Variants in TMTC2 observed in about 807,000 individuals in gnomAD.
The protein encoded by TMTC2 is protein O-mannosyl-transferase TMTC2.
TMTC2 carries 43 observed loss-of-function variants against 82.4 expected under a neutral mutation model. The observed-to-expected ratio is 0.52, with a 90% CI of 0.41 to 0.67. The LOEUF (loss-of-function observed/expected upper bound fraction) is 0.67, where lower values mean the gene tolerates loss of function less well. Among genes scored for constraint, TMTC2 ranks in the 30% least tolerant of loss-of-function variants. The pLI, the probability that TMTC2 is intolerant of heterozygous loss-of-function variation, is 0.00. For missense variants in TMTC2, 919 were observed against 1,012.4 expected, an observed-to-expected ratio of 0.91 and a Z score of 1.25; for synonymous variants, 408 against 381.9, an observed-to-expected ratio of 1.07 and a Z score of -0.80.
intron 8 of TMTC2, among the ~76,000 whole-genome samples, chr12:83,024,725 T>A (rs1881086967): frequency 4.6e-5 from 7 of 152,222 alleles, no homozygotes; most frequent in Non-Finnish European, 1.0e-4. Flanking sequence ...CAAATATTTG[T>A]TTCAGCATGT....
intron 11 of TMTC2, among the ~76,000 whole-genome samples, chr12:83,107,737 A>G (rs1030318175): frequency 1.3e-5 from 2 of 148,852 alleles, no homozygotes; most frequent in Non-Finnish European, 3.0e-5. Flanking sequence ...ACTTCTATCT[A>G]CCTATGCACG....
chr12:82,764,131 TAC>T (rs1228421355), intron 1 of TMTC2, among the ~76,000 whole-genome samples: 2 of 152,164 alleles, frequency 1.3e-5, no homozygotes, highest in African/African-American at 4.8e-5. Context: ...GATATACATA[TAC>T]ACACACATAC....
intron 3 of TMTC2, among the ~76,000 whole-genome samples, chr12:82,909,093 A>G (rs1874483354): frequency 6.6e-6 from 1 of 152,170 alleles, no homozygotes; most frequent in African/African-American, 2.4e-5. Context: ...GTTTGTCCAA[A>G]TAGGCCAAAC....
intron 9 of TMTC2, among the ~76,000 whole-genome samples, chr12:83,045,815 T>C (rs1482894385): frequency 6.6e-6 from 1 of 150,444 alleles, no homozygotes; most frequent in South Asian, 2.1e-4. Context: ...TCTAAAGTAA[T>C]AATTGTTCAC....
At position 82,965,692 on chromosome 12, in the gene TMTC2, C is replaced by T; in HGVS notation, c.1817C>T (p.Thr606Ile). ...CCTCATGCACACAAGAGCTCTGTTA[C>T]CAGTTGTTTGTACAACCTAGGAAAG... ...KDPHAHKSSV[T>I]SCLYNLGKLY... The change falls in exon 6 of 12, where the codon ACC becomes ATC. Residue 606 changes from threonine (T) to isoleucine (I), a missense_variant. Physicochemically the swap from Thr to Ile is moderately conservative, Grantham distance 89 (BLOSUM62 -1). Coordinates refer to ENST00000321196, the MANE Select transcript of TMTC2 (RefSeq NM_152588.3). 6.2e-7 allele frequency: 1 copy of T among 1,613,870 alleles called. No homozygotes were observed. The highest frequency in any genetic ancestry group is 8.5e-7 in the Non-Finnish European group (1 of 1,179,830).
chr12:83,065,872 A>G (rs1882901495), intron 11 of TMTC2, among the ~76,000 whole-genome samples: 1 of 151,988 alleles, frequency 6.6e-6, no homozygotes, highest in African/African-American at 2.4e-5. Context: ...GCATACTACA[A>G]AGTCACCTGC....
At chr12:83,123,801 G>C (rs1050097991) in intron 11 of TMTC2, among the ~76,000 whole-genome samples, 11 of 152,144 alleles carry the variant, frequency 7.2e-5, no homozygotes, top group Admixed American at 2.6e-4. Flanking sequence ...AATTTCAAAA[G>C]TTCATGTCAT....
intron 2 of TMTC2, among the ~76,000 whole-genome samples, chr12:82,866,858 A>G (rs979616087): frequency 2.6e-5 from 4 of 152,232 alleles, no homozygotes; most frequent in Non-Finnish European, 5.9e-5. Context: ...CTTAAAAGGC[A>G]TGAATGGGGT....
chr12:82,845,089 C>T (rs569023361), intron 1 of TMTC2, among the ~76,000 whole-genome samples: 4 of 150,038 alleles, frequency 2.7e-5, no homozygotes, highest in South Asian at 2.1e-4. Context: ...ATTAGCTGGG[C>T]GTAGTGGCGG....
At position 82,957,299 on chromosome 12, in the gene TMTC2, G is replaced by T. The variant is rs978119150; in HGVS notation, c.1599-7725G>T. 2.0e-5 allele frequency among the ~76,000 whole-genome samples: 3 copies of T among 151,968 alleles called. No homozygotes were observed. In the East Asian group the frequency reaches 5.8e-4, roughly 29 times the overall value. The stretch of plus-strand genomic sequence containing the variant: ...CCTGAATGACTTTTGGGTAAACAAC[G>T]AAATTAAAACAGAAATCAAAATTTT... On this transcript the variant is annotated intron_variant, in intron 4 of 11. Transcript: ENST00000321196.
chr12:83,039,573 G>T (rs934417013), intron 9 of TMTC2, among the ~76,000 whole-genome samples: 2 of 152,032 alleles, frequency 1.3e-5, no homozygotes, highest in Admixed American at 6.6e-5. Flanking sequence ...AGTGAGATGG[G>T]GAGGGTACAT....
chr12:83,035,651 A>C (rs1418490036), intron 9 of TMTC2, among the ~76,000 whole-genome samples: 1 of 152,182 alleles, frequency 6.6e-6, no homozygotes. Context: ...AATTATATAA[A>C]GTCTTTATTG....
chr12:83,004,554 CTTTTTA>C (rs1294583673), intron 8 of TMTC2, among the ~76,000 whole-genome samples: 3 of 151,758 alleles, frequency 2.0e-5, no homozygotes, highest in African/African-American at 7.3e-5. Flanking sequence ...TTGGGTGGGA[CTTTTTA>C]TTTTTATATT....
chr12:82,817,845 G>C (rs1222862323), intron 1 of TMTC2, among the ~76,000 whole-genome samples: 1 of 152,112 alleles, frequency 6.6e-6, no homozygotes, highest in Non-Finnish European at 1.5e-5. Flanking sequence ...TCACCAGAAG[G>C]CTCAAGCTTA....
At chr12:82,796,081 G>A (rs1019600960) in intron 1 of TMTC2, among the ~76,000 whole-genome samples, 4 of 152,276 alleles carry the variant, frequency 2.6e-5, no homozygotes, top group African/African-American at 7.2e-5. Context: ...CACTCAGTGT[G>A]TGTATCTGAA....
At chr12:82,957,254 T>G (rs963390230) in intron 4 of TMTC2, among the ~76,000 whole-genome samples, 5 of 152,100 alleles carry the variant, frequency 3.3e-5, no homozygotes, top group Non-Finnish European at 7.4e-5. Context: ...CAGTATTACA[T>G]GGAAATTGAG....
intron 2 of TMTC2, among the ~76,000 whole-genome samples, chr12:82,885,719 C>T (rs1324982144): frequency 6.6e-6 from 1 of 152,118 alleles, no homozygotes; most frequent in Non-Finnish European, 1.5e-5. Context: ...ATAACATTTT[C>T]ATCACATCAT....
At chr12:82,936,931 T>A (rs1182652199) in intron 4 of TMTC2, among the ~76,000 whole-genome samples, 2 of 152,172 alleles carry the variant, frequency 1.3e-5, no homozygotes, top group Non-Finnish European at 2.9e-5. Flanking sequence ...GTAGAAAATA[T>A]CCTATTTTTC....
intron 11 of TMTC2, among the ~76,000 whole-genome samples, chr12:83,075,794 T>G (rs1883267054): frequency 6.6e-6 from 1 of 152,240 alleles, no homozygotes; most frequent in African/African-American, 2.4e-5. Flanking sequence ...TCCTTTCTAC[T>G]CTAGATGTCT....
Sources: allele counts gnomAD v4.1 joint callset (sites outside exome capture counted in the v4.1 genomes callset), GRCh38; gene constraint gnomAD v4.1.1; transcripts MANE v1.5; gene names NCBI Gene and HGNC (gene_info 2026-07-23, HGNC 2026-07-21).